The following MGAT4C variants were observed in gnomAD, a reference collection of about 807,000 sequenced individuals.
The protein encoded by MGAT4C is alpha-1,3-mannosyl-glycoprotein 4-beta-N-acetylglucosaminyltransferase C.
Under a neutral mutation model 40.1 loss-of-function variants are expected in MGAT4C, and 19 were observed. That is an observed-to-expected ratio of 0.47 (90% CI 0.33 to 0.70). MGAT4C has a LOEUF of 0.70. Among genes scored for constraint, MGAT4C ranks in the 30% least tolerant of loss-of-function variants. The probability of loss-of-function intolerance (pLI) is 0.02; values close to 1 mark genes in which losing one functional copy is unlikely to be tolerated. For synonymous variants in MGAT4C, 181 were observed against 187.1 expected (o/e 0.97, Z 0.27); for missense variants, 491 against 563.2 (o/e 0.87, Z 1.30).
chr12:86,693,375 A>C (rs1331301149), intron 2 of MGAT4C, among the ~76,000 whole-genome samples: 1 of 152,230 alleles, frequency 6.6e-6, no homozygotes, highest in East Asian at 1.9e-4. Flanking sequence ...AGTGTTCCAC[A>C]AATATTTTTA....
chr12:86,260,303 A>G (rs1168390660), upstream of MGAT4C, among the ~76,000 whole-genome samples: 1 of 152,088 alleles, frequency 6.6e-6, no homozygotes, highest in Non-Finnish European at 1.5e-5. Flanking sequence ...CACTGAAAGT[A>G]AGCACATCTG....
intron 2 of MGAT4C, among the ~76,000 whole-genome samples, chr12:86,598,257 C>A (rs1961617090): frequency 6.6e-6 from 1 of 151,876 alleles, no homozygotes; most frequent in African/African-American, 2.4e-5. Flanking sequence ...TAGTGATTCA[C>A]AATGTATAAT....
chr12:86,450,451 G>A (rs901292170), intron 2 of MGAT4C, among the ~76,000 whole-genome samples: 1 of 152,010 alleles, frequency 6.6e-6, no homozygotes, highest in Non-Finnish European at 1.5e-5. Flanking sequence ...CTCTCATTCT[G>A]TGGTTTTGAG....
In MGAT4C at chr12:85,986,573, C is replaced by T. The variant is rs145850870; in HGVS notation, c.147+2827G>A. 3.8e-3 allele frequency among the ~76,000 whole-genome samples: 584 copies of T among 152,208 alleles called. 4 individuals are homozygous for T. Among genetic ancestry groups the T allele is most frequent in the African/African-American group, 0.012 (513 of 41,532 alleles). On this transcript the variant is annotated intron_variant, in intron 3 of 4. Coordinates refer to ENST00000611864, the MANE Select transcript of MGAT4C (RefSeq NM_001351288.2). The stretch of plus-strand genomic sequence containing the variant: ...ACAAATGGATTTTCTAACAAAAAGA[C>T]GAGAATAGAATCTGTTAACTAACTC...
chr12:86,780,740 T>C (rs933582858), intron 1 of MGAT4C, among the ~76,000 whole-genome samples: 6 of 152,156 alleles, frequency 3.9e-5, no homozygotes, highest in African/African-American at 1.4e-4. Flanking sequence ...CATGGGCTTT[T>C]AGTGTAAACA....
At chr12:86,331,162 G>A (rs947138890) in intron 4 of MGAT4C, among the ~76,000 whole-genome samples, 3 of 152,178 alleles carry the variant, frequency 2.0e-5, no homozygotes, top group Non-Finnish European at 4.4e-5. Context: ...AGAGGGCCAA[G>A]CAGGCAACTT....
At chr12:86,811,774 TTCA>T (rs1484506523) in intron 1 of MGAT4C, among the ~76,000 whole-genome samples, 1 of 151,580 alleles carries the variant, frequency 6.6e-6, no homozygotes, top group African/African-American at 2.4e-5. Context: ...AGAACCAGTG[TTCA>T]TCAATGTTCT....
chr12:86,573,038 GT>G (rs554384040), intron 2 of MGAT4C, among the ~76,000 whole-genome samples: 3 of 150,266 alleles, frequency 2.0e-5, no homozygotes, highest in African/African-American at 4.9e-5. Flanking sequence ...AAACATGTCT[GT>G]TTTTTTTTCC....
chr12:86,673,318 A>G lies in MGAT4C; in HGVS notation c.-229+53891T>C, dbSNP rs555993372. The stretch of plus-strand genomic sequence containing the variant: ...TTGAGTTAAGCTATGTAAATTAAAT[A>G]CTTAGAATATATACTAACACAAAGT... On this transcript the variant is annotated intron_variant, in intron 2 of 7. Coordinates refer to the MGAT4C transcript ENST00000548651. Among the ~76,000 whole-genome samples, 7 of 152,306 alleles carry G rather than the reference A, an allele frequency of 4.6e-5. No individual in the cohort carries two copies. The East Asian group carries it at 5.8e-4, about 13-fold the overall frequency.
At chr12:86,394,213 A>G (rs1005289954) in intron 3 of MGAT4C, among the ~76,000 whole-genome samples, 1 of 152,126 alleles carries the variant, frequency 6.6e-6, no homozygotes, top group African/African-American at 2.4e-5. Flanking sequence ...TTAATAAACA[A>G]CATATAGCCA....
chr12:86,603,778 AC>A (rs1272475655), intron 2 of MGAT4C, among the ~76,000 whole-genome samples: 1 of 56,736 alleles, frequency 1.8e-5, no homozygotes, highest in Non-Finnish European at 3.6e-5. Flanking sequence ...AATTATATAT[AC>A]TATATAATAT....
intron 2 of MGAT4C, among the ~76,000 whole-genome samples, chr12:86,475,597 A>G (rs1451530465): frequency 1.3e-5 from 2 of 151,970 alleles, no homozygotes; most frequent in Non-Finnish European, 2.9e-5. Flanking sequence ...CATGAATTAT[A>G]TTTCATTTTA....
chr12:86,258,333 A>G (rs1245643705), upstream of MGAT4C, among the ~76,000 whole-genome samples: 4 of 149,544 alleles, frequency 2.7e-5, no homozygotes, highest in South Asian at 2.1e-4. Flanking sequence ...CTATCTATCT[A>G]TCTACATTCA....
At position 86,241,466 on chromosome 12, in the gene MGAT4C, C is replaced by T. The variant is rs568381217; in HGVS notation, c.-57+14773G>A. 1.7e-4 allele frequency among the ~76,000 whole-genome samples: 26 copies of T among 152,158 alleles called. No homozygotes were observed. In the Middle Eastern group the frequency reaches 0.01, roughly 60 times the overall value. Reference sequence around the variant, plus strand: ...AATTACTAACTCTTTATTATTATTACGGGCTCATAAATTTTATTTTGTTTC... The same window carrying T: ...AATTACTAACTCTTTATTATTATTATGGGCTCATAAATTTTATTTTGTTTC... On this transcript the variant is annotated intron_variant, in intron 1 of 4. Transcript: ENST00000611864.
intron 3 of MGAT4C, among the ~76,000 whole-genome samples, chr12:86,349,501 C>T (rs1184551363): frequency 6.6e-6 from 1 of 152,162 alleles, no homozygotes; most frequent in Admixed American, 6.6e-5. Flanking sequence ...ATCCTCTGCT[C>T]TGCTTTCTAG....
intron 3 of MGAT4C, among the ~76,000 whole-genome samples, chr12:86,410,209 G>A (rs1274841730): frequency 6.6e-6 from 1 of 152,044 alleles, no homozygotes; most frequent in African/African-American, 2.4e-5. Flanking sequence ...GCAGAGAACT[G>A]GTCTGAATTC....
chr12:86,651,188 C>T (rs1200426721), intron 2 of MGAT4C, among the ~76,000 whole-genome samples: 1 of 151,634 alleles, frequency 6.6e-6, no homozygotes, highest in African/African-American at 2.4e-5. Flanking sequence ...AGTTCTAATC[C>T]ATTTATACTA....
chr12:86,230,418 A>G (rs1352726428), intron 1 of MGAT4C, among the ~76,000 whole-genome samples: 3 of 152,154 alleles, frequency 2.0e-5, no homozygotes, highest in Non-Finnish European at 4.4e-5. Flanking sequence ...TCAACCATTT[A>G]AAGGAAGTCA....
rs1231999670 is a variant in MGAT4C at position 86,798,099 on chromosome 12, C to G, written c.-262+40567G>C. ...ATAATATATTTTCCCTACATACAAC[C>G]CTTTGTTGACTTCCCCTGTGTGTGA... On this transcript the variant is annotated intron_variant, in intron 1 of 7. Coordinates refer to the MGAT4C transcript ENST00000548651. Among the ~76,000 whole-genome samples, 4 of 151,806 alleles carry G rather than the reference C, an allele frequency of 2.6e-5. No homozygotes were observed. In the Admixed American group the frequency reaches 2.6e-4, roughly 10 times the overall value.
Sources: allele counts gnomAD v4.1 joint callset (sites outside exome capture counted in the v4.1 genomes callset), GRCh38; gene constraint gnomAD v4.1.1; transcripts MANE v1.5; gene names NCBI Gene and HGNC (gene_info 2026-07-23, HGNC 2026-07-21).